Variants in LIMS1 observed in about 807,000 individuals in gnomAD.
LIMS1 encodes the protein LIM and senescent cell antigen-like-containing domain protein 1.
A neutral mutation model predicts 44.1 loss-of-function variants in LIMS1; 18 were observed. The observed-to-expected ratio is 0.41, with a 90% CI of 0.28 to 0.61. The LOEUF is 0.61. Ranked by LOEUF, LIMS1 falls within the 20% of genes least tolerant of loss-of-function variation. The probability of loss-of-function intolerance (pLI) is 0.32; values close to 1 mark genes in which losing one functional copy is unlikely to be tolerated. For synonymous variants in LIMS1, 93 were observed against 149.1 expected, an observed-to-expected ratio of 0.62 and a Z score of 2.74; for missense variants, 201 against 422.0, an observed-to-expected ratio of 0.48 and a Z score of 4.59.
chr2:108,560,597 C>T (rs899613400), intron 1 of LIMS1, among the ~76,000 whole-genome samples: 1 of 152,036 alleles, frequency 6.6e-6, no homozygotes, highest in African/African-American at 2.4e-5. Context: ...TGCCCTGACA[C>T]TCCTGATTGC....
At chr2:108,599,427 T>C (rs1686884132) in intron 1 of LIMS1, among the ~76,000 whole-genome samples, 2 of 152,198 alleles carry the variant, frequency 1.3e-5, no homozygotes, top group South Asian at 4.1e-4. Flanking sequence ...ACATTTTTTC[T>C]TTATCCACTC....
chr2:108,612,686 G>A (rs1286584546), intron 1 of LIMS1, among the ~76,000 whole-genome samples: 3 of 152,108 alleles, frequency 2.0e-5, no homozygotes, highest in South Asian at 2.1e-4. Context: ...CTGCACCTGA[G>A]CACCTCACGA....
In LIMS1 at chr2:108,590,539, A is replaced by G. The variant is rs373147941; in HGVS notation, c.32+55945A>G. Reference sequence around the variant, plus strand: ...AAAAATAACTAAACATCAGGCCATCACAGGTAGTGTCAAGTTTTTGAGGCT... The same window carrying G: ...AAAAATAACTAAACATCAGGCCATCGCAGGTAGTGTCAAGTTTTTGAGGCT... On this transcript the variant is annotated intron_variant, in intron 1 of 9. Coordinates refer to ENST00000544547, the Ensembl canonical transcript of LIMS1. Among the ~76,000 whole-genome samples, 308 of 152,376 alleles carry G rather than the reference A, an allele frequency of 2.0e-3. 3 individuals are homozygous for G. Among genetic ancestry groups the G allele is most frequent in the African/African-American group, 7.1e-3 (294 of 41,600 alleles).
chr2:108,577,341 C>T (rs536898625), intron 1 of LIMS1, among the ~76,000 whole-genome samples: 5 of 152,344 alleles, frequency 3.3e-5, no homozygotes, highest in Admixed American at 1.3e-4. Context: ...TGCTGCATTT[C>T]GCAGCGCTTT....
intron 1 of LIMS1, among the ~76,000 whole-genome samples, chr2:108,632,274 A>G (rs1020148189): frequency 1.3e-5 from 2 of 152,160 alleles, no homozygotes; most frequent in African/African-American, 4.8e-5. Context: ...CCCAGCTGAT[A>G]CTTTCCCTTT....
chr2:108,578,849 C>T (rs982771998), intron 1 of LIMS1, among the ~76,000 whole-genome samples: 1 of 152,092 alleles, frequency 6.6e-6, no homozygotes, highest in African/African-American at 2.4e-5. Context: ...CTGCCTCAGC[C>T]TCCCAAAGTG....
intron 1 of LIMS1, among the ~76,000 whole-genome samples, chr2:108,548,606 G>C (rs1684569548): frequency 6.6e-6 from 1 of 152,190 alleles, no homozygotes; most frequent in Non-Finnish European, 1.5e-5. Context: ...TATTGAGTTT[G>C]ATGAAAAACA....
chr2:108,663,330 C>T (rs1265693380), intron 2 of LIMS1, among the ~76,000 whole-genome samples: 1 of 152,110 alleles, frequency 6.6e-6, no homozygotes, highest in Non-Finnish European at 1.5e-5. Context: ...CCCTGTTGCC[C>T]AGGCTGGTCT....
chr2:108,674,668 T>G (rs1471971597), intron 5 of LIMS1, among the ~76,000 whole-genome samples: 1 of 121,488 alleles, frequency 8.2e-6, no homozygotes, highest in Non-Finnish European at 1.6e-5. Context: ...TTGCAGTGAG[T>G]GTGGATCGCG....
chr2:108,648,370 T>G (rs1422649253), intron 1 of LIMS1, among the ~76,000 whole-genome samples: 1 of 151,428 alleles, frequency 6.6e-6, no homozygotes, highest in Non-Finnish European at 1.5e-5. Flanking sequence ...GAATCAATTT[T>G]GGGCTATACT....
chr2:108,637,417 G>A (rs1054983195), intron 1 of LIMS1, among the ~76,000 whole-genome samples: 2 of 152,046 alleles, frequency 1.3e-5, no homozygotes, highest in Admixed American at 6.6e-5. Flanking sequence ...AAACTCCCAC[G>A]GACTTCCCTC....
rs1440520498 is a variant in LIMS1, at chr2:108,678,140, C to T, written c.823+113C>T. 4 of 1,474,170 alleles carry T rather than the reference C, an allele frequency of 2.7e-6. No homozygotes were observed. The East Asian group carries it at 9.1e-5, about 33-fold the overall frequency. The allele number at this position is 1,474,170 out of a possible 1,614,324, so 91.3% of individuals were successfully genotyped here. A position where few individuals can be genotyped will look rare whatever the true frequency, so the allele number is the denominator to read the frequency against. Reference sequence around the variant, plus strand: ...TTTGAAATGTGATCGTTATCAGTTACTTTTTCTCTATCTTTGGCGTATTTT... The same window carrying T: ...TTTGAAATGTGATCGTTATCAGTTATTTTTTCTCTATCTTTGGCGTATTTT... On this transcript the variant is annotated intron_variant, in intron 8 of 9. Transcript: ENST00000544547.
intron 7 of LIMS1, chr2:108,676,963 T>C: frequency 2.3e-6 from 1 of 427,194 alleles, no homozygotes. Context: ...TACGTAAATA[T>C]TATATACAAG....
intron 1 of LIMS1, among the ~76,000 whole-genome samples, chr2:108,605,920 C>T (rs1036163620): frequency 1.2e-4 from 19 of 152,270 alleles, no homozygotes; most frequent in Middle Eastern, 3.4e-3. Flanking sequence ...TCTGAAAGGC[C>T]CGGTGAGCAT....
intron 1 of LIMS1, among the ~76,000 whole-genome samples, chr2:108,574,401 A>C (rs534612745): frequency 2.6e-5 from 4 of 152,170 alleles, no homozygotes; most frequent in Non-Finnish European, 5.9e-5. Flanking sequence ...TGACAGCAGC[A>C]TTTGCTGGGG....
chr2:108,681,509 T>C, intron 9 of LIMS1: 3 of 978,088 alleles, frequency 3.1e-6, no homozygotes. Flanking sequence ...TTTTGTCTGA[T>C]TAACTGTAGC....
intron 1 of LIMS1, among the ~76,000 whole-genome samples, chr2:108,538,777 A>C (rs1684221812): frequency 6.6e-6 from 1 of 152,216 alleles, no homozygotes; most frequent in African/African-American, 2.4e-5. Flanking sequence ...CATTATGTAC[A>C]TTGACGTTGC....
Position 108,673,139 on chromosome 2 carries a change from C to G in LIMS1, c.530+110C>G, listed in dbSNP as rs1692258013. 6 of 1,478,640 alleles carry G rather than the reference C, an allele frequency of 4.1e-6. No individual in the cohort carries two copies. The South Asian group carries it at 7.4e-5, about 18-fold the overall frequency. The allele number at this position is 1,478,640 out of a possible 1,614,324, so 91.6% of individuals were successfully genotyped here. A position where few individuals can be genotyped will look rare whatever the true frequency, so the allele number is the denominator to read the frequency against. ...AAATTGTTTTTCTCCAATTTTTAGT[C>G]TAGAAAATTTTAAACCTATAGACGA... On this transcript the variant is annotated intron_variant, in intron 5 of 9. Transcript: ENST00000544547.
At chr2:108,649,175 C>G (rs551120916) in intron 1 of LIMS1, among the ~76,000 whole-genome samples, 13 of 152,164 alleles carry the variant, frequency 8.5e-5, no homozygotes, top group Non-Finnish European at 1.6e-4. Context: ...AGGATATGAA[C>G]AGACACTTCT....
Sources: allele counts gnomAD v4.1 joint callset (sites outside exome capture counted in the v4.1 genomes callset), GRCh38; gene constraint gnomAD v4.1.1; transcripts MANE v1.5; gene names NCBI Gene and HGNC (gene_info 2026-07-23, HGNC 2026-07-21).